The following PTPRD variants were observed in gnomAD, a reference collection of about 807,000 sequenced individuals.
The protein encoded by PTPRD is receptor-type tyrosine-protein phosphatase delta.
Under a neutral mutation model 214.5 loss-of-function variants are expected in PTPRD, and 34 were observed. That is an observed-to-expected ratio of 0.16 (90% confidence interval 0.12 to 0.21). The LOEUF (loss-of-function observed/expected upper bound fraction) is 0.21, where lower values mean the gene tolerates loss of function less well. Ranked by LOEUF, PTPRD falls within the 10% of genes least tolerant of loss-of-function variation. PTPRD has a pLI of 1.00. For synonymous variants in PTPRD, 1,128 were observed against 845.7 expected (o/e 1.33, Z -5.79); for missense variants, 2,545 against 2,398.7 (o/e 1.06, Z -1.27).
intron 7 of PTPRD, among the ~76,000 whole-genome samples, chr9:9,703,822 A>G (rs1416740852): frequency 6.6e-6 from 1 of 152,238 alleles, no homozygotes; most frequent in African/African-American, 2.4e-5. Context: ...ACAGTATTTT[A>G]AAACCATGTT....
At chr9:8,786,930 G>T (rs796934997) in intron 11 of PTPRD, among the ~76,000 whole-genome samples, 36 of 151,780 alleles carry the variant, frequency 2.4e-4, no homozygotes, top group African/African-American at 8.5e-4. Context: ...TTAGAGACAG[G>T]GTCTCACTCT....
At chr9:10,181,475 C>G (rs775839973) in intron 3 of PTPRD, among the ~76,000 whole-genome samples, 2 of 151,910 alleles carry the variant, frequency 1.3e-5, no homozygotes, top group Non-Finnish European at 2.9e-5. Flanking sequence ...CACTTCTAAA[C>G]CTGTTTTAAG....
intron 12 of PTPRD, among the ~76,000 whole-genome samples, chr9:8,721,344 C>T (rs1482868257): frequency 6.6e-6 from 1 of 150,396 alleles, no homozygotes; most frequent in Non-Finnish European, 1.5e-5. Context: ...GCACAAGAAT[C>T]GCTTGAACCT....
chr9:9,014,269 C>A (rs1470749717), intron 11 of PTPRD, among the ~76,000 whole-genome samples: 1 of 147,542 alleles, frequency 6.8e-6, no homozygotes, highest in Non-Finnish European at 1.5e-5. Context: ...AATAAAACTT[C>A]TCCACGATCT....
intron 14 of PTPRD, among the ~76,000 whole-genome samples, chr9:8,632,909 G>A (rs2096296756): frequency 6.6e-6 from 1 of 151,926 alleles, no homozygotes; most frequent in South Asian, 2.1e-4. Context: ...TTAGGCTAAG[G>A]TTCTTTCTTT....
At chr9:9,950,454 G>C (rs1162286433) in intron 4 of PTPRD, among the ~76,000 whole-genome samples, 1 of 34,672 alleles carries the variant, frequency 2.9e-5, no homozygotes, top group Non-Finnish European at 4.1e-5. Flanking sequence ...GCCGGGCGCG[G>C]TGGCTCACGC....
rs189278660 is a variant in PTPRD, at chr9:8,837,885, A to C, written c.-103-103939T>G. Among the ~76,000 whole-genome samples, 38 of 149,396 alleles carry C rather than the reference A, an allele frequency of 2.5e-4. 1 individual carries two copies. In the East Asian group the frequency reaches 6.6e-3, roughly 26 times the overall value. On this transcript the variant is annotated intron_variant, in intron 11 of 45. Transcript: ENST00000381196. ...GTTTGCCTGTTTTATAAGAGAAAAG[A>C]AGAGATTTCCCAGTATAATAAAAGT...
intron 4 of PTPRD, among the ~76,000 whole-genome samples, chr9:9,995,973 A>G (rs1009865430): frequency 2.0e-5 from 3 of 152,032 alleles, no homozygotes; most frequent in African/African-American, 7.2e-5. Context: ...AATTGTATAA[A>G]TTTCTTTTTT....
chr9:9,802,299 A>G (rs73396862), intron 5 of PTPRD, among the ~76,000 whole-genome samples: 3,605 of 151,954 alleles, frequency 0.024, 140 homozygotes, highest in African/African-American at 0.083. Flanking sequence ...TTTTCATCCA[A>G]ATATGTCCAT....
Position 10,468,143 on chromosome 9 carries a change from G to A in PTPRD, c.-599-127126C>T, listed in dbSNP as rs147636248. 8.3e-4 allele frequency among the ~76,000 whole-genome samples: 127 copies of A among 152,200 alleles called. 1 individual carries two copies. The highest frequency in any genetic ancestry group is 1.5e-3 in the African/African-American group (64 of 41,540). On this transcript the variant is annotated intron_variant, in intron 2 of 45. Transcript: ENST00000381196. ...AAATACCATTTGACCCAGCCATCCT[G>A]TTACTGGGTATATACCCACAGGATT...
At chr9:10,310,017 T>C (rs1325158193) in intron 3 of PTPRD, among the ~76,000 whole-genome samples, 1 of 152,036 alleles carries the variant, frequency 6.6e-6, no homozygotes, top group Non-Finnish European at 1.5e-5. Context: ...TAACTGGAGA[T>C]CCCCTGAGGT....
chr9:9,500,722 C>G (rs994392183), intron 8 of PTPRD, among the ~76,000 whole-genome samples: 4 of 151,962 alleles, frequency 2.6e-5, no homozygotes, highest in South Asian at 2.1e-4. Context: ...AATAAATATG[C>G]AGGTAGATAT....
chr9:8,732,417 A>C (rs1473638024), intron 12 of PTPRD, among the ~76,000 whole-genome samples: 4 of 152,244 alleles, frequency 2.6e-5, no homozygotes, highest in African/African-American at 9.6e-5. Context: ...CACTCTAGCC[A>C]AACAAAAATA....
At chr9:8,891,459 A>G (rs1366458030) in intron 11 of PTPRD, among the ~76,000 whole-genome samples, 2 of 150,370 alleles carry the variant, frequency 1.3e-5, no homozygotes, top group Non-Finnish European at 3.0e-5. Flanking sequence ...TTTTTAAGGT[A>G]AGCGTTCTTT....
intron 10 of PTPRD, among the ~76,000 whole-genome samples, chr9:9,074,224 TG>T: frequency 6.6e-6 from 1 of 152,290 alleles, no homozygotes; most frequent in Admixed American, 6.5e-5. Flanking sequence ...TGAGTTTTAT[TG>T]ATCTTCAATG....
chr9:8,934,510 TATATATATAA>T lies in PTPRD; in HGVS notation c.-104+84177_-104+84186del, dbSNP rs1567101776. Among the ~76,000 whole-genome samples, 13 of 42,370 alleles carry T rather than the reference TATATATATAA, an allele frequency of 3.1e-4. 3 individuals are homozygous for T. Among genetic ancestry groups the T allele is most frequent in the East Asian group, 9.2e-4 (1 of 1,088 alleles). 27.8% of individuals were successfully genotyped at this position (42,370 alleles called of 152,430 possible). On this transcript the variant is annotated intron_variant, in intron 11 of 45. Coordinates refer to ENST00000381196, the MANE Select transcript of PTPRD (RefSeq NM_002839.4). ...ATATATATAAATATATATATAAATA[TATATATATAA>T]ATATATATATATATGGGAAACCATA...
chr9:8,710,404 C>G (rs1278511657), intron 12 of PTPRD, among the ~76,000 whole-genome samples: 1 of 152,014 alleles, frequency 6.6e-6, no homozygotes, highest in Non-Finnish European at 1.5e-5. Context: ...TCACTTGAGC[C>G]CATGAGTTTG....
At chr9:9,564,258 G>A (rs1014023991) in intron 8 of PTPRD, among the ~76,000 whole-genome samples, 2 of 152,056 alleles carry the variant, frequency 1.3e-5, no homozygotes, top group African/African-American at 4.8e-5. Context: ...AAATCTCCAT[G>A]AGTGATTCTG....
intron 5 of PTPRD, among the ~76,000 whole-genome samples, chr9:9,780,471 G>C (rs1420229019): frequency 6.6e-6 from 1 of 152,156 alleles, no homozygotes; most frequent in Non-Finnish European, 1.5e-5. Flanking sequence ...CACCAAAGAA[G>C]ATATATAGAT....
Sources: gnomAD v4.1 joint callset for allele counts (sites outside exome capture counted in the v4.1 genomes callset) on GRCh38, gnomAD v4.1.1 for gene constraint, MANE v1.5 for transcripts, NCBI Gene and HGNC (gene_info 2026-07-23, HGNC 2026-07-21) for gene names.